The following TRPC5 variants were observed in gnomAD, a reference collection of about 807,000 sequenced individuals.
TRPC5 encodes short transient receptor potential channel 5.
Under a neutral mutation model 56.5 loss-of-function variants are expected in TRPC5, and 9 were observed. The observed-to-expected ratio is 0.16, with a 90% CI of 0.10 to 0.28. The LOEUF (loss-of-function observed/expected upper bound fraction) is 0.28, where lower values mean the gene tolerates loss of function less well. Ranked by LOEUF, TRPC5 falls within the 10% of genes least tolerant of loss-of-function variation. The probability of loss-of-function intolerance (pLI) is 1.00; values close to 1 mark genes in which losing one functional copy is unlikely to be tolerated. For missense variants in TRPC5, 469 were observed against 748.9 expected (o/e 0.63, Z 4.36); for synonymous variants, 282 against 278.5 (o/e 1.01, Z -0.13).
chrX:111,952,987 C>T (rs1286813646), intron 1 of TRPC5, among the ~76,000 whole-genome samples: 2 of 111,700 alleles, frequency 1.8e-5, no homozygotes, highest in Non-Finnish European at 3.8e-5. Context: ...CTTCTTTGGC[C>T]AATTTCCTTC....
intron 1 of TRPC5, among the ~76,000 whole-genome samples, chrX:112,029,672 T>G (rs1929531122): frequency 8.9e-6 from 1 of 112,171 alleles, no homozygotes; most frequent in Admixed American, 9.4e-5. Context: ...GACTGTCTTT[T>G]TGGTGTAAGC....
intron 1 of TRPC5, among the ~76,000 whole-genome samples, chrX:111,964,320 T>C (rs1927490930): frequency 8.9e-6 from 1 of 111,890 alleles, no homozygotes; most frequent in African/African-American, 3.2e-5. Context: ...AATATGGGAC[T>C]ATGTGAAAAG....
chrX:111,825,192 TTTCTTTCTTTCTTTCTTTCTTTCTTTC>T (rs1226895723), intron 7 of TRPC5, among the ~76,000 whole-genome samples: 45 of 90,646 alleles, frequency 5.0e-4, no homozygotes, highest in Non-Finnish European at 6.3e-4. Context: ...TCTTTCTTTC[TTTCTTTCTTTCTTTCTTTCTTTCTTTC>T]TTCTTTCTTT....
intron 1 of TRPC5, among the ~76,000 whole-genome samples, chrX:111,996,635 C>A (rs1053826328): frequency 9.0e-6 from 1 of 111,115 alleles, no homozygotes; most frequent in Non-Finnish European, 1.9e-5. Context: ...TTGTAGGTCT[C>A]TAAGGACTTG....
At chrX:111,944,431 A>G (rs1230933175) in intron 2 of TRPC5, among the ~76,000 whole-genome samples, 1 of 110,442 alleles carries the variant, frequency 9.1e-6, no homozygotes, top group Non-Finnish European at 1.9e-5. Context: ...TCATTTAATG[A>G]AAGACTCTAC....
intron 2 of TRPC5, among the ~76,000 whole-genome samples, chrX:111,921,494 T>C (rs1227500551): frequency 9.0e-6 from 1 of 110,807 alleles, no homozygotes; most frequent in Non-Finnish European, 1.9e-5. Context: ...TGTGTTCAGA[T>C]TGAGGTCAGG....
chrX:111,838,420 C>T (rs983645228), intron 6 of TRPC5, among the ~76,000 whole-genome samples: 17 of 110,471 alleles, frequency 1.5e-4, no homozygotes, highest in African/African-American at 5.3e-4. Flanking sequence ...CTTCTAGACT[C>T]GGTTTAATAC....
chrX:111,906,972 A>C (rs1376156421), intron 3 of TRPC5, among the ~76,000 whole-genome samples: 1 of 111,264 alleles, frequency 9.0e-6, no homozygotes, highest in Non-Finnish European at 1.9e-5. Context: ...GCATGGAATC[A>C]AGTGGAAAAG....
intron 7 of TRPC5, among the ~76,000 whole-genome samples, chrX:111,816,744 C>G (rs1206090986): frequency 4.5e-5 from 5 of 111,092 alleles, no homozygotes; most frequent in African/African-American, 1.6e-4. Flanking sequence ...TAGTTGGAAG[C>G]TGGAACTGTC....
chrX:111,935,060 G>C (rs1926526684), intron 2 of TRPC5, among the ~76,000 whole-genome samples: 1 of 111,842 alleles, frequency 8.9e-6, no homozygotes. Context: ...GTTCTCTATA[G>C]TGGTTGTACT....
At chrX:112,077,114 TTA>T (rs1293619639) in intron 1 of TRPC5, among the ~76,000 whole-genome samples, 4 of 111,758 alleles carry the variant, frequency 3.6e-5, no homozygotes, top group Non-Finnish European at 7.5e-5. Context: ...TAATCCCATT[TTA>T]TAGATGGGGA....
At chrX:112,055,067 C>G (rs1439905592) in intron 1 of TRPC5, among the ~76,000 whole-genome samples, 1 of 112,106 alleles carries the variant, frequency 8.9e-6, no homozygotes, top group Non-Finnish European at 1.9e-5. Flanking sequence ...ATTTACTCTC[C>G]TCATATTAAA....
chrX:111,879,024 C>G (rs748901094), intron 3 of TRPC5, among the ~76,000 whole-genome samples: 1 of 112,030 alleles, frequency 8.9e-6, no homozygotes, highest in Non-Finnish European at 1.9e-5. Flanking sequence ...CAAAGTTAAG[C>G]TAGAAAGAGG....
At chrX:111,957,426 T>C (rs1169547221) in intron 1 of TRPC5, among the ~76,000 whole-genome samples, 1 of 112,485 alleles carries the variant, frequency 8.9e-6, no homozygotes, top group Non-Finnish European at 1.9e-5. Context: ...TGCCGGATAC[T>C]GTGTGTGCTA....
chrX:111,794,164 T>C (rs5985357), intron 7 of TRPC5, among the ~76,000 whole-genome samples: 27,179 of 111,656 alleles, frequency 0.24, 7,875 homozygotes, highest in African/African-American at 0.83. Flanking sequence ...CTGAATTATA[T>C]AACTTAAAAG....
intron 2 of TRPC5, among the ~76,000 whole-genome samples, chrX:111,939,020 C>T (rs747357195): frequency 2.7e-5 from 3 of 111,738 alleles, no homozygotes; most frequent in East Asian, 2.8e-4. Context: ...TCATTCAGTA[C>T]GATAGTAGCT....
intron 3 of TRPC5, among the ~76,000 whole-genome samples, chrX:111,870,883 C>A (rs184384933): frequency 9.0e-6 from 1 of 111,412 alleles, no homozygotes; most frequent in East Asian, 2.8e-4. Context: ...TTTCAAGACA[C>A]AGGATGTGGT....
rs1164852799 is a variant in TRPC5 at position 111,834,930 on chromosome X, C to T, written c.1887G>A (p.Gln629=). 1 of 1,201,851 alleles carries T rather than the reference C, an allele frequency of 8.3e-7. No individual in the cohort carries two copies. The highest frequency in any genetic ancestry group is 1.8e-5 in the South Asian group (1 of 54,245). Residue 629 remains glutamine (Q), a synonymous_variant, in exon 7 of 11, where the codon CAG becomes CAA. Transcript: ENST00000262839. ...MLIAMMNNSY[Q]LIADHADIEW... is the part of the protein sequence containing the mutation. ...AAGCAAAGCTACTCACGGCAATAAG[C>T]TGATAGGAGTTGTTCATCATAGCAA...
At chrX:111,895,553 G>A (rs992345366) in intron 3 of TRPC5, among the ~76,000 whole-genome samples, 1 of 110,783 alleles carries the variant, frequency 9.0e-6, no homozygotes, top group Non-Finnish European at 1.9e-5. Flanking sequence ...TGTCCTCTGG[G>A]AAATATTTGC....
Sources: allele counts gnomAD v4.1 joint callset (sites outside exome capture counted in the v4.1 genomes callset), GRCh38; gene constraint gnomAD v4.1.1; transcripts MANE v1.5; gene names NCBI Gene and HGNC (gene_info 2026-07-23, HGNC 2026-07-21).